The following KLF12 variants were observed in gnomAD, a reference collection of about 807,000 sequenced individuals.
KLF12 encodes the protein KLF transcription factor 12.
In KLF12, 9 loss-of-function variants were observed where a neutral mutation model predicts 37.8. The observed-to-expected ratio is 0.24, with a 90% CI of 0.14 to 0.42. The LOEUF (loss-of-function observed/expected upper bound fraction) is 0.42, where lower values mean the gene tolerates loss of function less well. Among genes scored for constraint, KLF12 ranks in the 10% least tolerant of loss-of-function variants. The probability of loss-of-function intolerance (pLI) is 1.00; values close to 1 mark genes in which losing one functional copy is unlikely to be tolerated. For missense variants in KLF12, 411 were observed against 516.0 expected (o/e 0.80, Z 1.97); for synonymous variants, 208 against 202.1 (o/e 1.03, Z -0.25).
At chr13:74,148,981 A>C in the KLF12 span, among the ~76,000 whole-genome samples, 1 of 152,110 alleles carries the variant, frequency 6.6e-6, no homozygotes, top group Non-Finnish European at 1.5e-5. Context: ...GGCCCAGCTA[A>C]TTTTTGTATT....
the KLF12 span, among the ~76,000 whole-genome samples, chr13:74,239,322 C>T: frequency 4.7e-5 from 7 of 149,160 alleles, no homozygotes; most frequent in Non-Finnish European, 7.4e-5. Flanking sequence ...GTTATAATTT[C>T]TGTTCTTTTA....
chr13:74,064,269 A>G (rs1030437245), intron 1 of KLF12, among the ~76,000 whole-genome samples: 3 of 152,204 alleles, frequency 2.0e-5, no homozygotes, highest in Non-Finnish European at 2.9e-5. Context: ...ATATAACTGT[A>G]TATTTTTAAA....
intron 1 of KLF12, among the ~76,000 whole-genome samples, chr13:74,017,622 T>A (rs1411359257): frequency 2.2e-5 from 3 of 135,448 alleles, no homozygotes; most frequent in Non-Finnish European, 3.1e-5. Flanking sequence ...AGGATCATTA[T>A]CTTTTTCGTT....
intron 2 of KLF12, among the ~76,000 whole-genome samples, chr13:73,944,812 T>C (rs1890345110): frequency 6.6e-6 from 1 of 152,224 alleles, no homozygotes; most frequent in East Asian, 1.9e-4. Flanking sequence ...TTCTACGTAA[T>C]TGTCACCGCC....
chr13:73,837,351 C>T (rs556629117), intron 4 of KLF12, among the ~76,000 whole-genome samples: 28 of 152,198 alleles, frequency 1.8e-4, no homozygotes, highest in Admixed American at 1.4e-3. Context: ...GATGAAGCAG[C>T]GAAATCGACA....
At position 73,728,468 on chromosome 13, in the gene KLF12, T is replaced by C. The variant is rs1039544849; in HGVS notation, c.870-12943A>G. 2.6e-5 allele frequency among the ~76,000 whole-genome samples: 4 copies of C among 152,318 alleles called. No individual in the cohort carries two copies. In the East Asian group the frequency reaches 7.7e-4, roughly 29 times the overall value. On this transcript the variant is annotated intron_variant, in intron 6 of 7. Coordinates refer to ENST00000377669, the MANE Select transcript of KLF12 (RefSeq NM_007249.5). The stretch of plus-strand genomic sequence containing the variant: ...TTTTTCTTAATTGCCTCGGCTAGAA[T>C]GTTGAGTGAAAGTCCTGTATGGACA...
chr13:74,034,281 C>T (rs555245561), intron 1 of KLF12, among the ~76,000 whole-genome samples: 34 of 152,160 alleles, frequency 2.2e-4, no homozygotes, highest in African/African-American at 7.9e-4. Context: ...GTTGGCCAGG[C>T]TGGTCTTGAA....
intron 3 of KLF12, among the ~76,000 whole-genome samples, chr13:73,921,327 A>C (rs1251269903): frequency 6.6e-6 from 1 of 152,204 alleles, no homozygotes; most frequent in African/African-American, 2.4e-5. Flanking sequence ...GAACTTTCAG[A>C]AGGTGGAAGT....
In KLF12 at chr13:74,085,486, T is replaced by C. The variant is rs532412558; in HGVS notation, c.-32+48253A>G. Among the ~76,000 whole-genome samples the C allele has an allele frequency of 2.0e-5, 3 of 152,228 alleles. 1 individual carries two copies. The highest frequency in any genetic ancestry group is 7.2e-5 in the African/African-American group (3 of 41,470). ...GACACTACACTAATGAGCTTACACA[T>C]AATTCACTGAATTCTCACGCTTCCT... is the stretch of plus-strand genomic sequence containing the variant. On this transcript the variant is annotated intron_variant, in intron 1 of 7. Transcript: ENST00000377669.
In KLF12 at chr13:73,783,587, C is replaced by A. The variant is rs1439389201; in HGVS notation, c.807-18587G>T. ...TGAATGTATCAAAATATCCCACGTA[C>A]CCTATAAATATGTACAAGTATTATG... On this transcript the variant is annotated intron_variant, in intron 5 of 7. Coordinates refer to ENST00000377669, the MANE Select transcript of KLF12 (RefSeq NM_007249.5). Among the ~76,000 whole-genome samples the A allele has an allele frequency of 2.0e-5, 3 of 151,810 alleles. No individual in the cohort carries two copies. In the East Asian group the frequency reaches 5.8e-4, roughly 29 times the overall value.
the KLF12 span, among the ~76,000 whole-genome samples, chr13:74,220,863 C>G: frequency 6.6e-6 from 1 of 152,030 alleles, no homozygotes; most frequent in Non-Finnish European, 1.5e-5. Context: ...TTTTAAACGC[C>G]GAATAGCATT....
intron 6 of KLF12, among the ~76,000 whole-genome samples, chr13:73,760,325 A>G (rs1455064260): frequency 6.6e-6 from 1 of 152,122 alleles, no homozygotes; most frequent in East Asian, 1.9e-4. Flanking sequence ...GACAATTCCT[A>G]CATATATAGT....
At chr13:73,865,969 A>T (rs186384819) in intron 3 of KLF12, among the ~76,000 whole-genome samples, 18 of 152,316 alleles carry the variant, frequency 1.2e-4, no homozygotes, top group African/African-American at 4.1e-4. Flanking sequence ...AAAAAGCATA[A>T]AACAGGCCCA....
intron 1 of KLF12, among the ~76,000 whole-genome samples, chr13:74,070,519 C>T (rs572318849): frequency 6.6e-6 from 1 of 152,224 alleles, no homozygotes; most frequent in Admixed American, 6.5e-5. Flanking sequence ...TTTCAAGATA[C>T]AACTTTAGAG....
At chr13:74,041,731 C>T (rs1893408967) in intron 1 of KLF12, among the ~76,000 whole-genome samples, 1 of 149,708 alleles carries the variant, frequency 6.7e-6, no homozygotes, top group African/African-American at 2.5e-5. Context: ...CACACACACA[C>T]ACCCCTTCAA....
chr13:74,092,211 C>T (rs532127655), intron 1 of KLF12, among the ~76,000 whole-genome samples: 38 of 149,122 alleles, frequency 2.5e-4, no homozygotes, highest in Admixed American at 4.7e-4. Context: ...GCAGGAGAAT[C>T]ACTTGAACCC....
intron 6 of KLF12, among the ~76,000 whole-genome samples, chr13:73,738,272 G>A (rs1225088308): frequency 6.7e-6 from 1 of 150,084 alleles, no homozygotes; most frequent in East Asian, 2.0e-4. Context: ...AGCCTCCCAA[G>A]TAGCTGGGAT....
intron 4 of KLF12, among the ~76,000 whole-genome samples, chr13:73,834,144 C>G (rs1276626558): frequency 6.7e-6 from 1 of 149,568 alleles, no homozygotes; most frequent in Non-Finnish European, 1.5e-5. Context: ...CACCTCCTCC[C>G]CCCACCACAA....
intron 3 of KLF12, among the ~76,000 whole-genome samples, chr13:73,849,269 C>G (rs926364861): frequency 2.0e-5 from 3 of 150,832 alleles, no homozygotes; most frequent in Admixed American, 6.7e-5. Flanking sequence ...ATCCGAGCTA[C>G]TCAGGAAGGT....
Sources: allele counts gnomAD v4.1 joint callset (sites outside exome capture counted in the v4.1 genomes callset), GRCh38; gene constraint gnomAD v4.1.1; transcripts MANE v1.5; gene names NCBI Gene and HGNC (gene_info 2026-07-23, HGNC 2026-07-21).